Variants in CNTN4 observed in about 807,000 individuals in gnomAD.
CNTN4 encodes contactin 4.
CNTN4 carries 77 observed loss-of-function variants against 122.5 expected under a neutral mutation model. The ratio of observed to expected loss-of-function variants is 0.63; its 90% CI spans 0.52 to 0.76. The LOEUF (loss-of-function observed/expected upper bound fraction) is 0.76. CNTN4 is among the 30% of genes least tolerant of loss of function. The pLI is 0.00. For missense variants in CNTN4, 1,256 were observed against 1,259.1 expected, an observed-to-expected ratio of 1.00 and a Z score of 0.04; for synonymous variants, 512 against 447.0, an observed-to-expected ratio of 1.15 and a Z score of -1.83.
chr3:2,553,361 C>T (rs2078593306), intron 3 of CNTN4, among the ~76,000 whole-genome samples: 1 of 152,090 alleles, frequency 6.6e-6, no homozygotes, highest in Non-Finnish European at 1.5e-5. Flanking sequence ...TTGTTTTTAT[C>T]CTTTTTCACA....
intron 6 of CNTN4, among the ~76,000 whole-genome samples, chr3:2,780,161 C>T (rs918919116): frequency 1.3e-5 from 2 of 152,168 alleles, no homozygotes; most frequent in African/African-American, 4.8e-5. Flanking sequence ...ACTAGTTGTC[C>T]TGCAAATCTA....
chr3:3,029,824 G>GT (rs1279259754), intron 15 of CNTN4, among the ~76,000 whole-genome samples: 1 of 152,120 alleles, frequency 6.6e-6, no homozygotes, highest in Non-Finnish European at 1.5e-5. Context: ...TATTTAGTGA[G>GT]TTTAATATAG....
intron 7 of CNTN4, among the ~76,000 whole-genome samples, chr3:2,836,472 A>C (rs1472161215): frequency 6.6e-6 from 1 of 152,124 alleles, no homozygotes; most frequent in Non-Finnish European, 1.5e-5. Context: ...CTATTTTAAA[A>C]GTTTTACATA....
At chr3:2,988,194 A>G (rs759894477) in intron 13 of CNTN4, 151 bp from the exon 14 acceptor site, 89 of 726,164 alleles carry the variant, frequency 1.2e-4, no homozygotes, top group Non-Finnish European at 2.0e-4. Flanking sequence ...TATGTGGACA[A>G]ATACCCTAAA....
At position 2,637,611 on chromosome 3, in the gene CNTN4, G is replaced by T. The variant is rs146140850; in HGVS notation, c.55+66053G>T. Among the ~76,000 whole-genome samples the T allele has an allele frequency of 1.3e-3, 203 of 152,168 alleles. 2 individuals carry two copies. Among genetic ancestry groups the T allele is most frequent in the African/African-American group, 4.6e-3 (192 of 41,518 alleles). The stretch of plus-strand genomic sequence containing the variant: ...CAAGAAACATCACTGAGCTCTGAAG[G>T]TACCTCTGCTGTCTGTGTCTCTTGG... On this transcript the variant is annotated intron_variant, in intron 4 of 24. Transcript: ENST00000418658.
intron 17 of CNTN4, among the ~76,000 whole-genome samples, chr3:3,036,482 G>A (rs1208773803): frequency 6.6e-6 from 1 of 152,114 alleles, no homozygotes; most frequent in African/African-American, 2.4e-5. Flanking sequence ...ATGAATATAG[G>A]CCAGGCGCAG....
At chr3:2,798,368 T>TCTGTCTAC (rs1553642396) in intron 6 of CNTN4, among the ~76,000 whole-genome samples, 1 of 148,510 alleles carries the variant, frequency 6.7e-6, no homozygotes, top group East Asian at 2.0e-4. Context: ...CACACATAAA[T>TCTGTCTAC]CTATCTATCT....
intron 4 of CNTN4, among the ~76,000 whole-genome samples, chr3:2,644,772 G>A (rs1375960564): frequency 6.9e-6 from 1 of 145,286 alleles, no homozygotes; most frequent in Non-Finnish European, 1.5e-5. Context: ...GAGCATACTA[G>A]ATTAATATAT....
intron 3 of CNTN4, among the ~76,000 whole-genome samples, chr3:2,499,658 A>T (rs1419982081): frequency 6.6e-6 from 1 of 152,108 alleles, no homozygotes; most frequent in East Asian, 1.9e-4. Context: ...AAGCCTTATT[A>T]CTGGGTAAAT....
chr3:2,271,217 A>T (rs1575225143), intron 2 of CNTN4, among the ~76,000 whole-genome samples: 1 of 152,012 alleles, frequency 6.6e-6, no homozygotes, highest in Admixed American at 6.6e-5. Context: ...TGAACAGCAG[A>T]TCATTTTGAT....
chr3:2,210,804 A>G (rs1040979121), intron 2 of CNTN4, among the ~76,000 whole-genome samples: 2 of 152,160 alleles, frequency 1.3e-5, no homozygotes, highest in African/African-American at 2.4e-5. Context: ...CAATACATCA[A>G]AAGGTCTTTG....
intron 3 of CNTN4, among the ~76,000 whole-genome samples, chr3:2,439,918 A>G (rs1391514730): frequency 6.7e-6 from 1 of 149,842 alleles, no homozygotes; most frequent in East Asian, 1.9e-4. Context: ...GTGCCTTTTG[A>G]AAAAAAATCT....
chr3:2,862,807 A>T (rs566797689), intron 7 of CNTN4, among the ~76,000 whole-genome samples: 1 of 152,312 alleles, frequency 6.6e-6, no homozygotes, highest in Middle Eastern at 3.4e-3. Flanking sequence ...ATAGTGCTTC[A>T]TGTAACCCAA....
intron 6 of CNTN4, among the ~76,000 whole-genome samples, chr3:2,769,207 T>A (rs1559483078): frequency 6.6e-6 from 1 of 152,114 alleles, no homozygotes; most frequent in Non-Finnish European, 1.5e-5. Flanking sequence ...CTCACACGTG[T>A]AATCCCAGCA....
intron 13 of CNTN4, among the ~76,000 whole-genome samples, chr3:2,953,259 T>C (rs1443565499): frequency 6.6e-6 from 1 of 152,136 alleles, no homozygotes; most frequent in Non-Finnish European, 1.5e-5. Context: ...TGGTAGCCTT[T>C]CCTTCCAACT....
intron 2 of CNTN4, among the ~76,000 whole-genome samples, chr3:2,325,679 G>T (rs531833846): frequency 6.6e-6 from 1 of 152,022 alleles, no homozygotes; most frequent in Non-Finnish European, 1.5e-5. Context: ...ACTTACCAGC[G>T]GTCACTACAC....
chr3:2,522,967 C>T (rs2077272780), intron 3 of CNTN4, among the ~76,000 whole-genome samples: 1 of 152,142 alleles, frequency 6.6e-6, no homozygotes, highest in Admixed American at 6.6e-5. Context: ...TTGTATTACA[C>T]TATTTTATGC....
chr3:2,639,952 C>CA (rs1373879951), intron 4 of CNTN4, among the ~76,000 whole-genome samples: 5 of 152,056 alleles, frequency 3.3e-5, no homozygotes, highest in African/African-American at 1.2e-4. Context: ...CTAGAACTGT[C>CA]AAAAAGGCAC....
chr3:2,574,737 G>A, intron 4 of CNTN4, among the ~76,000 whole-genome samples: 1 of 152,114 alleles, frequency 6.6e-6, no homozygotes. Flanking sequence ...AAAGTGTACA[G>A]TGCAACAGGG....
Sources: allele counts gnomAD v4.1 joint callset (sites outside exome capture counted in the v4.1 genomes callset), GRCh38; gene constraint gnomAD v4.1.1; transcripts MANE v1.5; gene names NCBI Gene and HGNC (gene_info 2026-07-23, HGNC 2026-07-21).